C7: variants seen among roughly 807,000 people sequenced by gnomAD.
C7 encodes complement C7, also known as complement component C7.
In C7, 83 loss-of-function variants were observed where a neutral mutation model predicts 104.8. The observed-to-expected ratio is 0.79, with a 90% CI of 0.66 to 0.95. C7 has a LOEUF of 0.95. C7 is among the 40% of genes least tolerant of loss of function. The pLI is 0.00. For missense variants in C7, 1,070 were observed against 1,011.2 expected (o/e 1.06, Z -0.79); for synonymous variants, 415 against 360.6 (o/e 1.15, Z -1.71).
intron 14 of C7, chr5:40,967,897 A>G (rs142396910): frequency 6.6e-6 from 1 of 152,360 alleles, no homozygotes; most frequent in East Asian, 1.9e-4. Context: ...ATGTCTAGGT[A>G]TAATTTTCTT....
At chr5:40,922,374 CAAAAAAAAAAAAAA>C (rs869109946) in intron 1 of C7, among the ~76,000 whole-genome samples, 3 of 43,074 alleles carry the variant, frequency 7.0e-5, no homozygotes, top group African/African-American at 1.3e-4. Context: ...GACTCTGTCT[CAAAAAAAAAAAAAA>C]AAAAAAAAAA....
intron 9 of C7, among the ~76,000 whole-genome samples, chr5:40,955,178 A>G (rs940479729): frequency 2.0e-5 from 3 of 152,182 alleles, no homozygotes; most frequent in Non-Finnish European, 4.4e-5. Context: ...GTATAACGAC[A>G]TGTGCCCACC....
At chr5:40,963,136 C>T (rs1427846960) in intron 13 of C7, among the ~76,000 whole-genome samples, 1 of 152,180 alleles carries the variant, frequency 6.6e-6, no homozygotes, top group African/African-American at 2.4e-5. Context: ...CATGAGGCTG[C>T]TGTCCCCAAC....
chr5:40,981,891 C>T lies in C7; in HGVS notation c.*318C>T. 1 of 209,544 alleles carries T rather than the reference C, an allele frequency of 4.8e-6. No individual in the cohort carries two copies. Among genetic ancestry groups the T allele is most frequent in the Non-Finnish European group, 9.5e-6 (1 of 105,140 alleles). The allele number at this position is 209,544 out of a possible 1,614,324, so 13.0% of individuals were successfully genotyped here. On this transcript the variant is annotated 3_prime_UTR_variant, in exon 18 of 18. Transcript: ENST00000313164. ...AAATTAGAGGATTGCACTAGAGAAA[C>T]TTGAATGCTCCATTCAGGCCTATCA... is the stretch of plus-strand genomic sequence containing the variant.
At chr5:40,957,768 G>GT (rs576860158) in intron 10 of C7, among the ~76,000 whole-genome samples, 41,784 of 104,184 alleles carry the variant, frequency 0.4, 7,281 homozygotes, top group African/African-American at 0.54. Flanking sequence ...GTTTTTTTTT[G>GT]TTTTTTTTTT....
chr5:40,979,675 C>G (rs749433779), intron 16 of C7, 50 bp from the exon 17 acceptor site: 2 of 1,510,598 alleles, frequency 1.3e-6, no homozygotes, highest in Admixed American at 1.8e-5. Context: ...TCCTTCTCAG[C>G]TTTTACGAAC....
At position 40,964,724 on chromosome 5, in the gene C7, C is replaced by G; in HGVS notation, c.1750-17C>G. On this transcript the variant is annotated splice_polypyrimidine_tract_variant and intron_variant, in intron 13 of 17. Transcript: ENST00000313164. ...ATAGACAAACTCTTTCCTTTTCCATCTTTTACTTTTGTTTAGGATGAAGGT... is the reference window on the plus strand; with the variant it reads ...ATAGACAAACTCTTTCCTTTTCCATGTTTTACTTTTGTTTAGGATGAAGGT... The G allele has an allele frequency of 6.2e-7, 1 of 1,607,276 alleles. No individual in the cohort carries two copies. Among genetic ancestry groups the G allele is most frequent in the South Asian group, 1.1e-5 (1 of 89,804 alleles).
rs41271061 is a variant in C7 at position 40,934,415 on chromosome 5, A to G, written c.229A>G (p.Arg77Gly). ...AFETQSCEPT[R>G]GCPTEEGCGE... is the part of the protein sequence containing the mutation. ...TGAAACACAGTCCTGTGAACCTACA[A>G]GAGGATGTCCAACAGAGGAGGGATG... The change falls in exon 4 of 18, where the codon AGA (arginine) becomes GGA (glycine). Residue 77 changes from arginine to glycine, a missense_variant. Arg to Gly is a moderately radical substitution (Grantham distance 125). Coordinates refer to ENST00000313164, the MANE Select transcript of C7 (RefSeq NM_000587.4). The G allele has an allele frequency of 4.2e-4, 670 of 1,613,808 alleles. No individual in the cohort carries two copies. The highest frequency in any genetic ancestry group is 5.5e-4 in the Non-Finnish European group (653 of 1,179,750).
chr5:40,956,668 A>G (rs550713818), intron 10 of C7, among the ~76,000 whole-genome samples: 2 of 152,378 alleles, frequency 1.3e-5, no homozygotes, highest in East Asian at 1.9e-4. Flanking sequence ...ATGAAAGTCA[A>G]TGTTCCAGGC....
chr5:40,964,640 G>C, intron 13 of C7, 101 bp from the exon 14 acceptor site: 1 of 1,006,514 alleles, frequency 9.9e-7, no homozygotes, highest in Non-Finnish European at 1.5e-6. Context: ...AATGTAGCTT[G>C]CCTGATGATT....
At chr5:40,962,006 A>G in intron 12 of C7, 79 bp from the exon 13 acceptor site, 1 of 661,254 alleles carries the variant, frequency 1.5e-6, no homozygotes, top group South Asian at 5.3e-5. Context: ...TCAGATACAA[A>G]GGAGAAATCC....
chr5:40,927,647 C>T (rs887629175), intron 1 of C7, among the ~76,000 whole-genome samples: 1 of 151,994 alleles, frequency 6.6e-6, no homozygotes, highest in African/African-American at 2.4e-5. Context: ...GTAAACATTT[C>T]TGAAGAGAAG....
At chr5:40,923,215 A>G (rs1364109534) in intron 1 of C7, among the ~76,000 whole-genome samples, 1 of 152,230 alleles carries the variant, frequency 6.6e-6, no homozygotes, top group Non-Finnish European at 1.5e-5. Context: ...TAACAGGTAT[A>G]TGAAAAAATG....
At chr5:40,975,287 A>T (rs940219107) in intron 15 of C7, among the ~76,000 whole-genome samples, 3 of 152,100 alleles carry the variant, frequency 2.0e-5, no homozygotes, top group Admixed American at 2.0e-4. Context: ...TTTTACCACT[A>T]ATGTCTCTTT....
chr5:40,924,684 C>T (rs1235472671), intron 1 of C7, among the ~76,000 whole-genome samples: 1 of 152,238 alleles, frequency 6.6e-6, no homozygotes. Flanking sequence ...GCCAAGCCTC[C>T]TTCACTCTTG....
rs559721492 is a variant in C7, at chr5:40,934,649, G to A, written c.280+183G>A. Among the ~76,000 whole-genome samples, 3 of 152,218 alleles carry A rather than the reference G, an allele frequency of 2.0e-5. No individual in the cohort carries two copies. In the South Asian group the frequency reaches 6.2e-4, roughly 32 times the overall value. On this transcript the variant is annotated intron_variant, in intron 4 of 17. Coordinates refer to ENST00000313164, the MANE Select transcript of C7 (RefSeq NM_000587.4). ...CCACTCAGCTATCATTTTTTCAAAT[G>A]CAAGGGGATGCATCTGGTAATAAAC...
rs1005254189 is a variant in C7 at position 40,981,444 on chromosome 5, G to C, written c.2403G>C (p.Gly801=). 1 of 1,613,700 alleles carries C rather than the reference G, an allele frequency of 6.2e-7. No individual in the cohort carries two copies. Among genetic ancestry groups the C allele is most frequent in the South Asian group, 1.1e-5 (1 of 90,968 alleles). ...AAGCATCGGAGTGCGAGGAAGAAGG[G>C]TTTAGCATTTGTGTGGAAGTGAACG... The part of the protein sequence containing the change: ...CREASECEEE[G]FSICVEVNGK... Residue 801 remains glycine (G), a synonymous_variant, in exon 18 of 18, where the codon GGG becomes GGC. Coordinates refer to ENST00000313164, the MANE Select transcript of C7 (RefSeq NM_000587.4).
chr5:40,954,950 A>G lies in C7; in HGVS notation c.1094-437A>G, dbSNP rs768311869. The G allele has an allele frequency of 3.7e-5, 9 of 245,378 alleles. No individual in the cohort carries two copies. The South Asian group carries it at 4.5e-4, about 12-fold the overall frequency. 15.2% of individuals were successfully genotyped at this position (245,378 alleles called of 1,614,324 possible). ...ATAAATATAGCTTAGTTTTTAGAAC[A>G]GTTTTAGGTTCACAGCACAATTGAG... is the stretch of plus-strand genomic sequence containing the variant. On this transcript the variant is annotated intron_variant, in intron 9 of 17. Coordinates refer to ENST00000313164, the MANE Select transcript of C7 (RefSeq NM_000587.4).
At chr5:40,934,269 G>A in intron 3 of C7, 56 bp from the exon 4 acceptor site, 3 of 1,435,076 alleles carry the variant, frequency 2.1e-6, no homozygotes, top group Middle Eastern at 1.8e-4. Context: ...GGAAACTAGA[G>A]ATTTCTTTGA....
Sources: gnomAD v4.1 joint callset for allele counts (sites outside exome capture counted in the v4.1 genomes callset) on GRCh38, gnomAD v4.1.1 for gene constraint, MANE v1.5 for transcripts, NCBI Gene and HGNC (gene_info 2026-07-23, HGNC 2026-07-21) for gene names.